The following RNF216 variants were observed in gnomAD, a reference collection of about 807,000 sequenced individuals.
The protein encoded by RNF216 is E3 ubiquitin-protein ligase RNF216.
RNF216 carries 72 observed loss-of-function variants against 110.8 expected under a neutral mutation model. The observed-to-expected ratio is 0.65, with a 90% CI of 0.54 to 0.79. The LOEUF (loss-of-function observed/expected upper bound fraction) is 0.79. Ranked by LOEUF, RNF216 falls within the 30% of genes least tolerant of loss-of-function variation. The pLI is 0.00. For synonymous variants in RNF216, 495 were observed against 407.5 expected (o/e 1.21, Z -2.59); for missense variants, 1,342 against 1,141.2 (o/e 1.18, Z -2.54).
chr7:5,762,735 G>A (rs1056371920), intron 1 of RNF216, among the ~76,000 whole-genome samples: 5 of 151,962 alleles, frequency 3.3e-5, no homozygotes, highest in African/African-American at 1.2e-4. Flanking sequence ...AATACAGTAT[G>A]CGTAAGAATG....
At chr7:5,651,218 G>C (rs1007989760) in intron 14 of RNF216, among the ~76,000 whole-genome samples, 1 of 151,832 alleles carries the variant, frequency 6.6e-6, no homozygotes, top group Non-Finnish European at 1.5e-5. Context: ...GAAGCAGTTA[G>C]ACAATCTTCT....
At chr7:5,684,094 CTTTTTTTTTTTTTT>C (rs10608511) in intron 13 of RNF216, among the ~76,000 whole-genome samples, 16 of 61,836 alleles carry the variant, frequency 2.6e-4, no homozygotes, top group South Asian at 2.1e-3. Flanking sequence ...GCTGGGCCTT[CTTTTTTTTTTTTTT>C]TTTTTTTTTT....
At chr7:5,739,516 A>G (rs948873294) in intron 4 of RNF216, 164 bp from the exon 5 acceptor site, 1 of 719,822 alleles carries the variant, frequency 1.4e-6, no homozygotes, top group East Asian at 2.8e-5. Flanking sequence ...TCCCAGATTC[A>G]TCTGTCTACA....
chr7:5,660,034 A>ATAGCTC (rs1789002306), intron 13 of RNF216, among the ~76,000 whole-genome samples: 1 of 150,426 alleles, frequency 6.6e-6, no homozygotes, highest in African/African-American at 2.4e-5. Flanking sequence ...AGCTCACTAT[A>ATAGCTC]ACCTTGACCT....
At chr7:5,679,001 A>G (rs1391141405) in intron 13 of RNF216, among the ~76,000 whole-genome samples, 7 of 152,252 alleles carry the variant, frequency 4.6e-5, no homozygotes, top group Non-Finnish European at 8.8e-5. Context: ...TATGGGAGCC[A>G]CAAGTGTAGA....
At chr7:5,644,221 T>C (rs552515657) in intron 14 of RNF216, among the ~76,000 whole-genome samples, 1 of 152,324 alleles carries the variant, frequency 6.6e-6, no homozygotes, top group Admixed American at 6.5e-5. Context: ...TGCTGGGTCA[T>C]ATGGTAATTC....
intron 13 of RNF216, among the ~76,000 whole-genome samples, chr7:5,670,105 TTTA>T (rs1325191497): frequency 6.6e-6 from 1 of 152,058 alleles, no homozygotes; most frequent in African/African-American, 2.4e-5. Context: ...TATTTATTTA[TTTA>T]TTTTTAGTAG....
intron 13 of RNF216, among the ~76,000 whole-genome samples, chr7:5,682,090 C>T (rs924261051): frequency 6.6e-6 from 1 of 152,238 alleles, no homozygotes; most frequent in Non-Finnish European, 1.5e-5. Context: ...GACCTGTCCA[C>T]TCAGCAGACA....
intron 5 of RNF216, chr7:5,732,882 A>G (rs1268863300): frequency 6.6e-6 from 1 of 152,182 alleles, no homozygotes; most frequent in Admixed American, 6.5e-5. Context: ...CAACCTTTCA[A>G]CCCTTAGATA....
At chr7:5,692,628 A>G (rs1308507040) in intron 13 of RNF216, among the ~76,000 whole-genome samples, 1 of 152,168 alleles carries the variant, frequency 6.6e-6, no homozygotes, top group African/African-American at 2.4e-5. Context: ...CTCCTTCCAC[A>G]CACCACAAAA....
chr7:5,649,756 CT>C (rs1788274013), intron 14 of RNF216: 1 of 152,226 alleles, frequency 6.6e-6, no homozygotes, highest in Non-Finnish European at 1.5e-5. Flanking sequence ...AGAAGAATGG[CT>C]CTTGGAGGAC....
At chr7:5,708,945 C>A (rs546596546) in intron 13 of RNF216, among the ~76,000 whole-genome samples, 2 of 152,178 alleles carry the variant, frequency 1.3e-5, no homozygotes, top group Non-Finnish European at 2.9e-5. Context: ...GGTCCTCTGG[C>A]GCAGTACAAA....
In RNF216 at chr7:5,741,241, T is replaced by C. The variant is rs930643040; in HGVS notation, c.776A>G (p.Glu259Gly). Residue 259 changes from glutamate to glycine, a missense_variant, in exon 4 of 17, where the codon GAA (glutamate) becomes GGA (glycine). By Grantham distance (98) the Glu-to-Gly change is moderately conservative. Coordinates refer to ENST00000389902, the MANE Select transcript of RNF216 (RefSeq NM_207111.4). ...ATGCTGAAACAACAAGCGGCCCAGT[T>C]CTGCTTCAGGCTGCCGTTCCTGAGG... ...VVPQERQPEA[E>G]LGRLLFQHEF... 5 of 1,614,042 alleles carry C rather than the reference T, an allele frequency of 3.1e-6. No individual in the cohort carries two copies. The highest frequency in any genetic ancestry group is 3.3e-5 in the Admixed American group (2 of 59,998).
At chr7:5,695,083 C>T (rs1272517975) in intron 13 of RNF216, among the ~76,000 whole-genome samples, 2 of 152,096 alleles carry the variant, frequency 1.3e-5, no homozygotes, top group African/African-American at 4.8e-5. Flanking sequence ...ACCCCTGAAC[C>T]CAAAGTTCAT....
intron 13 of RNF216, among the ~76,000 whole-genome samples, chr7:5,688,576 A>C (rs1791129013): frequency 6.6e-6 from 1 of 152,206 alleles, no homozygotes. Context: ...TTTGAAGAAA[A>C]AAGTTAAAGG....
chr7:5,684,388 C>A (rs956537467), intron 13 of RNF216, among the ~76,000 whole-genome samples: 2 of 151,052 alleles, frequency 1.3e-5, no homozygotes, highest in Non-Finnish European at 3.0e-5. Flanking sequence ...ATTACAGGTG[C>A]GAGCCACTGC....
chr7:5,664,163 A>G (rs1584405544), intron 13 of RNF216, among the ~76,000 whole-genome samples: 2 of 152,158 alleles, frequency 1.3e-5, no homozygotes, highest in East Asian at 3.8e-4. Context: ...GTTTTTTTGT[A>G]CTTTCCATGG....
intron 13 of RNF216, among the ~76,000 whole-genome samples, chr7:5,707,879 C>T (rs1443354844): frequency 2.0e-5 from 3 of 152,118 alleles, no homozygotes; most frequent in African/African-American, 7.2e-5. Flanking sequence ...GCGCACGCAA[C>T]CACACCCAGC....
chr7:5,697,223 G>A (rs1468887309), intron 13 of RNF216, among the ~76,000 whole-genome samples: 1 of 152,180 alleles, frequency 6.6e-6, no homozygotes, highest in Non-Finnish European at 1.5e-5. Flanking sequence ...GCCTGGTCAG[G>A]CCCAGACCCA....
Sources: gnomAD v4.1 joint callset for allele counts (sites outside exome capture counted in the v4.1 genomes callset) on GRCh38, gnomAD v4.1.1 for gene constraint, MANE v1.5 for transcripts, NCBI Gene and HGNC (gene_info 2026-07-23, HGNC 2026-07-21) for gene names.